Variants in AOAH observed in about 807,000 individuals in gnomAD.
The protein encoded by AOAH is acyloxyacyl hydrolase (neutrophil).
In AOAH, 64 loss-of-function variants were observed where a neutral mutation model predicts 92.2. The ratio of observed to expected loss-of-function variants is 0.69; its 90% confidence interval spans 0.57 to 0.86. The LOEUF is 0.86. Among genes scored for constraint, AOAH ranks in the 40% least tolerant of loss-of-function variants. AOAH has a pLI of 0.00. For synonymous variants in AOAH, 263 were observed against 254.5 expected, an observed-to-expected ratio of 1.03 and a Z score of -0.32; for missense variants, 656 against 694.6, an observed-to-expected ratio of 0.94 and a Z score of 0.62.
intron 11 of AOAH, among the ~76,000 whole-genome samples, chr7:36,610,119 C>CTTTTTTTT (rs993283880): frequency 2.6e-5 from 1 of 37,876 alleles, no homozygotes; most frequent in South Asian, 6.7e-4. Flanking sequence ...TTCTTTTTTT[C>CTTTTTTTT]TTTTTTCTTT....
At chr7:36,572,396 T>C (rs989354435) in intron 13 of AOAH, among the ~76,000 whole-genome samples, 4 of 151,842 alleles carry the variant, frequency 2.6e-5, no homozygotes, top group Non-Finnish European at 5.9e-5. Context: ...TGGTGGTACA[T>C]GCATGTGGTC....
intron 11 of AOAH, among the ~76,000 whole-genome samples, chr7:36,603,690 C>A (rs1432770035): frequency 6.6e-6 from 1 of 152,142 alleles, no homozygotes; most frequent in African/African-American, 2.4e-5. Flanking sequence ...ACTTAGTTTA[C>A]AAAAGCAGGG....
intron 1 of AOAH, among the ~76,000 whole-genome samples, chr7:36,712,841 T>C (rs1004829888): frequency 5.9e-5 from 9 of 151,966 alleles, no homozygotes; most frequent in Non-Finnish European, 1.3e-4. Flanking sequence ...GCACTAAACA[T>C]GGAAAGGAAC....
At chr7:36,517,942 CA>C (rs1783899405) in intron 20 of AOAH, among the ~76,000 whole-genome samples, 5 of 32,372 alleles carry the variant, frequency 1.5e-4, no homozygotes, top group East Asian at 1.1e-3. Flanking sequence ...CACACACACA[CA>C]CCCACACACA....
chr7:36,524,633 G>A (rs767187420), intron 19 of AOAH, among the ~76,000 whole-genome samples: 8 of 152,034 alleles, frequency 5.3e-5, no homozygotes, highest in South Asian at 2.1e-4. Context: ...CCAAGATTGC[G>A]CCACTGCACT....
intron 11 of AOAH, among the ~76,000 whole-genome samples, chr7:36,607,533 G>C (rs1395848950): frequency 6.6e-6 from 1 of 152,120 alleles, no homozygotes; most frequent in Admixed American, 6.5e-5. Flanking sequence ...ACTCATCTGT[G>C]GTGCTAATTC....
intron 2 of AOAH, among the ~76,000 whole-genome samples, chr7:36,683,210 A>G (rs928686664): frequency 6.6e-6 from 1 of 152,230 alleles, no homozygotes; most frequent in African/African-American, 2.4e-5. Flanking sequence ...ACAGAAAAGC[A>G]TTGACTTTCA....
intron 1 of AOAH, among the ~76,000 whole-genome samples, chr7:36,717,095 T>C (rs1197043249): frequency 6.6e-6 from 1 of 152,152 alleles, no homozygotes; most frequent in Non-Finnish European, 1.5e-5. Flanking sequence ...TATGGTAAAC[T>C]GGGGAAGGGG....
At chr7:36,606,473 G>T (rs987458633) in intron 11 of AOAH, among the ~76,000 whole-genome samples, 11 of 152,316 alleles carry the variant, frequency 7.2e-5, no homozygotes, top group Middle Eastern at 3.4e-3. Flanking sequence ...CCTGCCAGGG[G>T]TCGTGCAAAG....
At chr7:36,670,800 C>A (rs941503590) in intron 3 of AOAH, among the ~76,000 whole-genome samples, 14 of 152,300 alleles carry the variant, frequency 9.2e-5, no homozygotes, top group African/African-American at 3.4e-4. Context: ...TTCTCCATAC[C>A]TATGCCCGCT....
chr7:36,554,854 A>G (rs1427628007), intron 13 of AOAH, among the ~76,000 whole-genome samples: 7 of 151,288 alleles, frequency 4.6e-5, no homozygotes, highest in Non-Finnish European at 1.0e-4. Context: ...AACTTTGCTG[A>G]AGTTGCTTAT....
At chr7:36,580,971 G>A (rs1788890120) in intron 12 of AOAH, among the ~76,000 whole-genome samples, 1 of 152,164 alleles carries the variant, frequency 6.6e-6, no homozygotes, top group Admixed American at 6.5e-5. Flanking sequence ...CCTCATTTAT[G>A]TTTGGTGTCT....
chr7:36,686,063 C>T (rs117332443), intron 2 of AOAH, among the ~76,000 whole-genome samples: 2,983 of 151,868 alleles, frequency 0.02, 77 homozygotes, highest in Non-Finnish European at 0.024. Context: ...TTATTCATTA[C>T]GACTGTTCAA....
chr7:36,530,600 C>A, intron 18 of AOAH, 86 bp from the exon 19 acceptor site: 2 of 823,936 alleles, frequency 2.4e-6, no homozygotes, highest in South Asian at 3.0e-5. Context: ...AGAAATCGAT[C>A]TTCCCCATCC....
At chr7:36,625,578 C>CAG (rs762843844) in intron 6 of AOAH, among the ~76,000 whole-genome samples, 24 of 152,206 alleles carry the variant, frequency 1.6e-4, no homozygotes, top group East Asian at 1.4e-3. Context: ...TGAACAAGGC[C>CAG]AGAGAGAGAG....
intron 3 of AOAH, among the ~76,000 whole-genome samples, chr7:36,671,232 T>A (rs981548463): frequency 2.6e-5 from 4 of 152,198 alleles, no homozygotes; most frequent in African/African-American, 4.8e-5. Flanking sequence ...TTTAAAAAAA[T>A]TTATTAATTC....
intron 13 of AOAH, among the ~76,000 whole-genome samples, chr7:36,550,866 G>A (rs1361422240): frequency 6.6e-6 from 1 of 152,190 alleles, no homozygotes; most frequent in Non-Finnish European, 1.5e-5. Flanking sequence ...GTGGGAAAAA[G>A]GGCAGCGTGT....
At chr7:36,621,423 G>A (rs1392984992) in intron 8 of AOAH, among the ~76,000 whole-genome samples, 1 of 152,178 alleles carries the variant, frequency 6.6e-6, no homozygotes, top group Non-Finnish European at 1.5e-5. Context: ...TCACTTGATT[G>A]TTTTTCCCAC....
chr7:36,696,689 G>A (rs889615703), intron 1 of AOAH, among the ~76,000 whole-genome samples: 3 of 151,844 alleles, frequency 2.0e-5, no homozygotes, highest in Non-Finnish European at 4.4e-5. Context: ...GTGAAACCCC[G>A]TCTCTACTAA....
Sources: allele counts gnomAD v4.1 joint callset (sites outside exome capture counted in the v4.1 genomes callset), GRCh38; gene constraint gnomAD v4.1.1; transcripts MANE v1.5; gene names NCBI Gene and HGNC (gene_info 2026-07-23, HGNC 2026-07-21).